DSCAM: variants seen among roughly 807,000 people sequenced by gnomAD.
DSCAM encodes DS cell adhesion molecule, also known as cell adhesion molecule DSCAM.
In DSCAM, 47 loss-of-function variants were observed where a neutral mutation model predicts 217.7. The observed-to-expected ratio is 0.22, with a 90% CI of 0.17 to 0.28. DSCAM has a LOEUF of 0.28. Ranked by LOEUF, DSCAM falls within the 10% of genes least tolerant of loss-of-function variation. The pLI is 1.00. For synonymous variants in DSCAM, 1,056 were observed against 1,015.3 expected (o/e 1.04, Z -0.76); for missense variants, 2,080 against 2,618.3 (o/e 0.79, Z 4.49).
chr21:40,303,059 A>G (rs149320199), intron 9 of DSCAM, among the ~76,000 whole-genome samples: 33 of 152,268 alleles, frequency 2.2e-4, no homozygotes, highest in African/African-American at 7.9e-4. Context: ...GTTTTAATGA[A>G]AGCCATTTGG....
intron 1 of DSCAM, among the ~76,000 whole-genome samples, chr21:40,709,042 C>T (rs1438499804): frequency 6.6e-6 from 1 of 152,152 alleles, no homozygotes; most frequent in Non-Finnish European, 1.5e-5. Flanking sequence ...CCTCATGCCC[C>T]AAACCCTGTT....
chr21:40,073,741 C>T (rs1183687159), intron 27 of DSCAM, among the ~76,000 whole-genome samples: 2 of 152,094 alleles, frequency 1.3e-5, no homozygotes, highest in Non-Finnish European at 2.9e-5. Context: ...GGCCTACCTC[C>T]TACCTTAAAC....
At chr21:40,647,674 A>C in intron 3 of DSCAM, among the ~76,000 whole-genome samples, 1 of 152,252 alleles carries the variant, frequency 6.6e-6, no homozygotes, top group East Asian at 1.9e-4. Flanking sequence ...TTGAGAAATT[A>C]TGTCCATTCA....
At chr21:40,605,820 T>TTTA (rs1568933715) in intron 3 of DSCAM, among the ~76,000 whole-genome samples, 3 of 134,898 alleles carry the variant, frequency 2.2e-5, no homozygotes, top group Non-Finnish European at 3.2e-5. Flanking sequence ...TTTTTTTTTT[T>TTTA]AAGACAGTCT....
chr21:40,715,667 A>C (rs896039649), intron 1 of DSCAM, among the ~76,000 whole-genome samples: 2 of 152,228 alleles, frequency 1.3e-5, no homozygotes, highest in Non-Finnish European at 2.9e-5. Flanking sequence ...TTTTCAACTC[A>C]AATAAAAATG....
chr21:40,124,025 T>C (rs754283205), intron 20 of DSCAM, among the ~76,000 whole-genome samples, 170 bp downstream of exon 20: 1 of 152,074 alleles, frequency 6.6e-6, no homozygotes, highest in African/African-American at 2.4e-5. Flanking sequence ...TATTTTCAAA[T>C]GAGGTGTAAA....
chr21:40,507,190 T>C (rs899876486), intron 3 of DSCAM, among the ~76,000 whole-genome samples: 2 of 152,078 alleles, frequency 1.3e-5, no homozygotes, highest in Admixed American at 6.5e-5. Flanking sequence ...GGCAGGAGAA[T>C]TGCTTAAACC....
At chr21:40,360,156 G>A (rs1381441432) in intron 4 of DSCAM, among the ~76,000 whole-genome samples, 3 of 114,562 alleles carry the variant, frequency 2.6e-5, no homozygotes, top group South Asian at 6.0e-4. Context: ...TTTTGAGACA[G>A]AGTCTCGCTC....
chr21:40,491,627 C>T (rs1191281211), intron 3 of DSCAM, among the ~76,000 whole-genome samples: 1 of 152,070 alleles, frequency 6.6e-6, no homozygotes, highest in Non-Finnish European at 1.5e-5. Context: ...TCCTACCTAC[C>T]CTCCTTCTAT....
At chr21:40,344,604 T>C (rs1312855058) in intron 6 of DSCAM, among the ~76,000 whole-genome samples, 1 of 152,230 alleles carries the variant, frequency 6.6e-6, no homozygotes, top group Admixed American at 6.5e-5. Flanking sequence ...CTCCATTGTC[T>C]CCTGTCCTCC....
intron 1 of DSCAM, among the ~76,000 whole-genome samples, chr21:40,807,145 A>C (rs2091795710): frequency 6.7e-6 from 1 of 149,716 alleles, no homozygotes; most frequent in Non-Finnish European, 1.5e-5. Flanking sequence ...ATCAATCAAT[A>C]AGTGTTTCAT....
chr21:40,400,882 A>G (rs1289281301), intron 3 of DSCAM, among the ~76,000 whole-genome samples: 2 of 152,232 alleles, frequency 1.3e-5, no homozygotes, highest in Admixed American at 1.3e-4. Flanking sequence ...CAGATCTTTC[A>G]AATGTTGACA....
intron 17 of DSCAM, among the ~76,000 whole-genome samples, chr21:40,142,972 G>C (rs1354107138): frequency 6.6e-6 from 1 of 152,140 alleles, no homozygotes; most frequent in Non-Finnish European, 1.5e-5. Context: ...TAGGACAGTT[G>C]TTGGGACTTG....
At chr21:40,031,376 A>G (rs1339537369) in intron 32 of DSCAM, among the ~76,000 whole-genome samples, 1 of 152,196 alleles carries the variant, frequency 6.6e-6, no homozygotes, top group Non-Finnish European at 1.5e-5. Flanking sequence ...CGGTTAAAAC[A>G]CAAATATACG....
At chr21:40,155,709 G>A (rs1362325164) in intron 16 of DSCAM, among the ~76,000 whole-genome samples, 1 of 152,152 alleles carries the variant, frequency 6.6e-6, no homozygotes, top group Non-Finnish European at 1.5e-5. Flanking sequence ...GGCCAATCAT[G>A]ATCCAACACC....
intron 10 of DSCAM, 147 bp downstream of exon 10, chr21:40,295,908 T>A: frequency 2.1e-6 from 2 of 952,960 alleles, no homozygotes; most frequent in South Asian, 2.3e-5. Flanking sequence ...CAACTAGGAA[T>A]GTCTATGAGA....
chr21:40,493,060 C>A (rs2076088782), intron 3 of DSCAM, among the ~76,000 whole-genome samples: 1 of 152,078 alleles, frequency 6.6e-6, no homozygotes, highest in African/African-American at 2.4e-5. Flanking sequence ...CCTTACAAAC[C>A]AGGAGGAGGT....
chr21:40,218,071 G>C (rs959908005), intron 11 of DSCAM, among the ~76,000 whole-genome samples: 2 of 152,070 alleles, frequency 1.3e-5, no homozygotes, highest in African/African-American at 4.8e-5. Flanking sequence ...TGAAATCTTT[G>C]CCATTCCTGT....
rs537875782 is a variant in DSCAM, at chr21:40,342,305, G to A, written c.1211-2890C>T. ...ATATATATGACACATATATTTGTGT[G>A]TGTATAAAATATTTTATCCCAGTCT... On this transcript the variant is annotated intron_variant, in intron 6 of 32. Transcript: ENST00000400454. 1.1e-3 allele frequency among the ~76,000 whole-genome samples: 167 copies of A among 152,068 alleles called. 1 individual carries two copies. Among genetic ancestry groups the A allele is most frequent in the Admixed American group, 2.4e-3 (36 of 15,266 alleles).
Sources: gnomAD v4.1 joint callset for allele counts (sites outside exome capture counted in the v4.1 genomes callset) on GRCh38, gnomAD v4.1.1 for gene constraint, MANE v1.5 for transcripts, NCBI Gene and HGNC (gene_info 2026-07-23, HGNC 2026-07-21) for gene names.